INSL6: variants seen among roughly 807,000 people sequenced by gnomAD.
INSL6 encodes insulin-like peptide INSL6.
INSL6 carries 16 observed loss-of-function variants against 9.4 expected under a neutral mutation model. The ratio of observed to expected loss-of-function variants is 1.70; its 90% CI spans 1.15 to 2.59. The LOEUF (loss-of-function observed/expected upper bound fraction) is 2.59, where lower values mean the gene tolerates loss of function less well. Among genes scored for constraint, INSL6 ranks in the 30% most tolerant of loss-of-function variants. The probability of loss-of-function intolerance (pLI) is 0.00; values close to 1 mark genes in which losing one functional copy is unlikely to be tolerated. For synonymous variants in INSL6, 154 were observed against 96.9 expected (o/e 1.59, Z -3.46); for missense variants, 391 against 257.3 (o/e 1.52, Z -3.56).
At chr9:5,105,241 C>T in the INSL6 span, among the ~76,000 whole-genome samples, 1 of 152,172 alleles carries the variant, frequency 6.6e-6, no homozygotes, top group Non-Finnish European at 1.5e-5. Flanking sequence ...GTGCAAAAAT[C>T]ACAAGCATTC....
At chr9:5,109,555 G>A in the INSL6 span, 1 of 152,024 alleles carries the variant, frequency 6.6e-6, no homozygotes, top group Non-Finnish European at 1.5e-5. Context: ...CAATTATTAC[G>A]TTAGTCAACC....
intron 3 of INSL6, chr9:5,126,195 GTAGT>G (rs1823982458): frequency 3.5e-6 from 2 of 573,084 alleles, no homozygotes; most frequent in South Asian, 4.8e-5. Context: ...GATCCTAAAA[GTAGT>G]TTGTTTTGAA....
At chr9:5,176,660 C>T (rs576221879) in intron 1 of INSL6, among the ~76,000 whole-genome samples, 36 of 150,880 alleles carry the variant, frequency 2.4e-4, no homozygotes, top group African/African-American at 7.5e-4. Flanking sequence ...AACATCATAC[C>T]TAATGGAGAT....
chr9:5,026,258 T>A, the INSL6 span, among the ~76,000 whole-genome samples: 4 of 152,356 alleles, frequency 2.6e-5, no homozygotes, highest in South Asian at 8.3e-4. Flanking sequence ...TAGTACATGA[T>A]ATTGGTAATC....
At chr9:5,001,869 C>G in the INSL6 span, among the ~76,000 whole-genome samples, 2 of 151,894 alleles carry the variant, frequency 1.3e-5, no homozygotes, top group African/African-American at 2.4e-5. Context: ...TGATACTATT[C>G]AAGGTTTCTG....
the INSL6 span, among the ~76,000 whole-genome samples, chr9:5,048,217 C>T: frequency 3.9e-5 from 6 of 152,184 alleles, no homozygotes; most frequent in African/African-American, 1.2e-4. Flanking sequence ...TCTCGGCTCA[C>T]TGCAACCTCT....
the INSL6 span, among the ~76,000 whole-genome samples, chr9:5,056,041 G>A: frequency 2.0e-5 from 3 of 151,902 alleles, no homozygotes; most frequent in Non-Finnish European, 4.4e-5. Context: ...CAAAGCACCA[G>A]TTACTTTCTC....
At chr9:5,101,187 G>A in the INSL6 span, among the ~76,000 whole-genome samples, 23 of 152,212 alleles carry the variant, frequency 1.5e-4, no homozygotes, top group African/African-American at 5.3e-4. Flanking sequence ...CAAATACTGT[G>A]CTTTTCCAAC....
At chr9:5,165,397 G>A (rs1224570938) in intron 1 of INSL6, among the ~76,000 whole-genome samples, 8 of 152,060 alleles carry the variant, frequency 5.3e-5, no homozygotes, top group African/African-American at 1.4e-4. Context: ...TCCCAGCATC[G>A]GTACAGTAGA....
At chr9:5,002,420 T>C in the INSL6 span, among the ~76,000 whole-genome samples, 1 of 152,020 alleles carries the variant, frequency 6.6e-6, no homozygotes, top group African/African-American at 2.4e-5. Context: ...ATGTTAATTT[T>C]GCAATACTGG....
chr9:5,051,426 C>T, the INSL6 span, among the ~76,000 whole-genome samples: 1 of 152,162 alleles, frequency 6.6e-6, no homozygotes, highest in Admixed American at 6.5e-5. Context: ...GCATTAGACT[C>T]ACGTGGGGGA....
the INSL6 span, chr9:5,040,817 G>C: frequency 0.23 from 46,062 of 204,178 alleles, 5,638 homozygotes; most frequent in Admixed American, 0.27. Context: ...GAGCTGGAGC[G>C]GGGCCCGAGT....
At chr9:5,073,344 A>T in the INSL6 span, among the ~76,000 whole-genome samples, 1 of 152,162 alleles carries the variant, frequency 6.6e-6, no homozygotes, top group African/African-American at 2.4e-5. Flanking sequence ...TAAAGGCTAC[A>T]TCCATCTACC....
intron 2 of INSL6, among the ~76,000 whole-genome samples, chr9:5,157,613 G>C (rs1360462897): frequency 2.6e-5 from 4 of 152,026 alleles, no homozygotes; most frequent in Non-Finnish European, 2.9e-5. Context: ...TAAAATTACA[G>C]AACTTCCAGA....
the INSL6 span, among the ~76,000 whole-genome samples, chr9:5,046,631 G>A: frequency 1.3e-5 from 2 of 152,102 alleles, no homozygotes; most frequent in Admixed American, 1.3e-4. Context: ...AGTTTTCCTA[G>A]CACCATTTGT....
At chr9:5,162,234 T>C (rs1260346049), downstream of INSL6, among the ~76,000 whole-genome samples, 2 of 152,156 alleles carry the variant, frequency 1.3e-5, no homozygotes, top group Non-Finnish European at 2.9e-5. Context: ...ATTTTTTTTT[T>C]CAATTTGGGA....
chr9:5,180,528 G>C (rs1014852539), intron 1 of INSL6, among the ~76,000 whole-genome samples: 2 of 152,104 alleles, frequency 1.3e-5, no homozygotes, highest in African/African-American at 4.8e-5. Context: ...TGTACTACTG[G>C]AGGGAGGTCT....
intron 1 of INSL6, among the ~76,000 whole-genome samples, chr9:5,165,655 T>C (rs926546072): frequency 1.3e-5 from 2 of 152,176 alleles, no homozygotes; most frequent in African/African-American, 2.4e-5. Flanking sequence ...GTAGAAACCA[T>C]TTTGTTCTTT....
chr9:5,118,395 T>G, the INSL6 span, among the ~76,000 whole-genome samples: 1 of 152,234 alleles, frequency 6.6e-6, no homozygotes, highest in African/African-American at 2.4e-5. Context: ...TATAAGTAAG[T>G]TGAAATTAAT....
Sources: gnomAD v4.1 joint callset for allele counts (sites outside exome capture counted in the v4.1 genomes callset) on GRCh38, gnomAD v4.1.1 for gene constraint, MANE v1.5 for transcripts, NCBI Gene and HGNC (gene_info 2026-07-23, HGNC 2026-07-21) for gene names.